STAU1: variants seen among roughly 807,000 people sequenced by gnomAD.
The protein encoded by STAU1 is double-stranded RNA-binding protein Staufen homolog 1.
Under a neutral mutation model 62.9 loss-of-function variants are expected in STAU1, and 13 were observed. The observed-to-expected ratio is 0.21, with a 90% CI of 0.13 to 0.33. The LOEUF (loss-of-function observed/expected upper bound fraction) is 0.33, where lower values mean the gene tolerates loss of function less well. STAU1 is among the 10% of genes least tolerant of loss of function. The pLI, the probability that STAU1 is intolerant of heterozygous loss-of-function variation, is 1.00. For synonymous variants in STAU1, 269 were observed against 265.1 expected (o/e 1.01, Z -0.14); for missense variants, 571 against 712.1 (o/e 0.80, Z 2.25).
At chr20:49,130,954 T>C (rs2092735994) in intron 6 of STAU1, among the ~76,000 whole-genome samples, 3 of 150,954 alleles carry the variant, frequency 2.0e-5, no homozygotes, top group Admixed American at 2.0e-4. Context: ...AAAAAAAAGA[T>C]TGCTGGAACC....
chr20:49,145,865 T>C (rs375392020), intron 5 of STAU1, among the ~76,000 whole-genome samples: 18 of 152,118 alleles, frequency 1.2e-4, no homozygotes, highest in East Asian at 3.8e-4. Flanking sequence ...GTACAGCCAC[T>C]GCACTCCAGC....
At position 49,187,731 on chromosome 20, in the gene STAU1, G is replaced by C. The variant is rs6019668; in HGVS notation, c.-160+385C>G. Among the ~76,000 whole-genome samples the C allele has an allele frequency of 9.2e-3, 1,402 of 151,598 alleles. 25 individuals are homozygous for C. The highest frequency in any genetic ancestry group is 0.033 in the African/African-American group (1,355 of 41,370). ...ACCACTAAGCTACAGACCTGGGCCG[G>C]CGACACTGAGAGGCTCCAGCCCTCG... is the stretch of plus-strand genomic sequence containing the variant. On this transcript the variant is annotated intron_variant, in intron 1 of 13. Transcript: ENST00000371856.
At chr20:49,194,905 A>T in the STAU1 span, among the ~76,000 whole-genome samples, 4 of 151,812 alleles carry the variant, frequency 2.6e-5, no homozygotes, top group Admixed American at 6.6e-5. Context: ...TCACCACTGC[A>T]CTCCAGCCTG....
chr20:49,151,802 T>A, intron 4 of STAU1, 55 bp from the exon 5 acceptor site: 1 of 1,504,460 alleles, frequency 6.6e-7, no homozygotes, highest in Non-Finnish European at 9.0e-7. Flanking sequence ...AAGTCACCTA[T>A]ACACTCTCTG....
intron 2 of STAU1, among the ~76,000 whole-genome samples, chr20:49,167,945 A>G (rs1319520423): frequency 6.6e-6 from 1 of 152,106 alleles, no homozygotes; most frequent in Non-Finnish European, 1.5e-5. Flanking sequence ...GAGCAACCCA[A>G]CTGTGTCCTG....
chr20:49,153,251 G>GGAA (rs1379385445), intron 4 of STAU1, among the ~76,000 whole-genome samples: 7 of 99,072 alleles, frequency 7.1e-5, no homozygotes, highest in African/African-American at 2.8e-4. Context: ...CTCCGTCTCA[G>GGAA]AAAAAAAAAA....
At chr20:49,195,910 A>AAAAAAAAAAG in the STAU1 span, among the ~76,000 whole-genome samples, 6 of 90,920 alleles carry the variant, frequency 6.6e-5, no homozygotes, top group Non-Finnish European at 1.6e-4. Flanking sequence ...AAAAAAAAAA[A>AAAAAAAAAAG]AAAAAAAGAA....
At chr20:49,215,981 C>G in the STAU1 span, among the ~76,000 whole-genome samples, 1 of 114,952 alleles carries the variant, frequency 8.7e-6, no homozygotes, top group Non-Finnish European at 1.6e-5. Context: ...GTACTCCAGC[C>G]TGGGTGATAT....
chr20:49,135,971 T>C (rs201154876), intron 5 of STAU1, 40 bp from the exon 6 acceptor site: 1 of 1,504,600 alleles, frequency 6.6e-7, no homozygotes, highest in Non-Finnish European at 9.2e-7. Flanking sequence ...CTTATTAAAA[T>C]AGTCAATGGC....
intron 6 of STAU1, among the ~76,000 whole-genome samples, chr20:49,128,046 G>C (rs1312149190): frequency 6.6e-6 from 1 of 152,150 alleles, no homozygotes; most frequent in East Asian, 1.9e-4. Context: ...CTACTCGGGA[G>C]GCTGAGGCAG....
At chr20:49,145,145 G>A (rs1467800646) in intron 5 of STAU1, among the ~76,000 whole-genome samples, 1 of 152,146 alleles carries the variant, frequency 6.6e-6, no homozygotes, top group African/African-American at 2.4e-5. Flanking sequence ...TGAAAACCTG[G>A]CTGGGCGTGG....
intron 7 of STAU1, among the ~76,000 whole-genome samples, chr20:49,123,993 T>C (rs887168919): frequency 1.4e-4 from 22 of 152,298 alleles, no homozygotes; most frequent in African/African-American, 5.3e-4. Flanking sequence ...CCTCCCACTA[T>C]GGGCCTCCTG....
rs546329283 is a variant in STAU1, at chr20:49,134,205, G to C, written c.609+1628C>G. 3.7e-4 allele frequency among the ~76,000 whole-genome samples: 57 copies of C among 152,176 alleles called. 1 individual carries two copies. Among genetic ancestry groups the C allele is most frequent in the African/African-American group, 1.3e-3 (54 of 41,518 alleles). The stretch of plus-strand genomic sequence containing the variant: ...CCAGCACTTTGGGAGGCCGAGATGG[G>C]TGGATCACCTGAGGTTAGGAGTTCG... On this transcript the variant is annotated intron_variant, in intron 6 of 13. Transcript: ENST00000371856.
chr20:49,160,210 T>C (rs978799570), intron 3 of STAU1, among the ~76,000 whole-genome samples: 3 of 152,226 alleles, frequency 2.0e-5, no homozygotes, highest in Admixed American at 6.5e-5. Context: ...GACTCAAACC[T>C]AGATGTGTCT....
the STAU1 span, among the ~76,000 whole-genome samples, chr20:49,203,176 A>G: frequency 2.0e-5 from 3 of 152,092 alleles, no homozygotes; most frequent in Non-Finnish European, 4.4e-5. Flanking sequence ...TGTAATCCCA[A>G]TACTTTAGGA....
chr20:49,118,853 C>T (rs961126832), intron 9 of STAU1, among the ~76,000 whole-genome samples: 7 of 152,176 alleles, frequency 4.6e-5, no homozygotes, highest in South Asian at 2.1e-4. Context: ...AACACCCTTA[C>T]GGGGAAAATG....
the STAU1 span, among the ~76,000 whole-genome samples, chr20:49,205,305 T>C: frequency 6.6e-6 from 1 of 152,050 alleles, no homozygotes. Context: ...CGCACACAAG[T>C]GCTCTTATTA....
intron 3 of STAU1, among the ~76,000 whole-genome samples, chr20:49,157,240 C>T (rs1261752635): frequency 6.6e-6 from 1 of 152,148 alleles, no homozygotes; most frequent in East Asian, 1.9e-4. Flanking sequence ...AAACACACAG[C>T]AGTACTTCAC....
the STAU1 span, among the ~76,000 whole-genome samples, chr20:49,207,262 T>C: frequency 9.3e-5 from 14 of 150,564 alleles, no homozygotes; most frequent in Non-Finnish European, 1.8e-4. Flanking sequence ...GGGATAGGAA[T>C]AGCCCCTTAT....
Sources: gnomAD v4.1 joint callset for allele counts (sites outside exome capture counted in the v4.1 genomes callset) on GRCh38, gnomAD v4.1.1 for gene constraint, MANE v1.5 for transcripts, NCBI Gene and HGNC (gene_info 2026-07-23, HGNC 2026-07-21) for gene names.